The following LGSN variants were observed in gnomAD, a reference collection of about 807,000 sequenced individuals.
LGSN encodes the protein lengsin, lens protein with glutamine synthetase domain.
In LGSN, 21 loss-of-function variants were observed where a neutral mutation model predicts 19.5. The ratio of observed to expected loss-of-function variants is 1.07; its 90% CI spans 0.76 to 1.55. The LOEUF (loss-of-function observed/expected upper bound fraction) is 1.55. Ranked by LOEUF, LGSN falls within the 40% of genes most tolerant of loss-of-function variation. The pLI is 0.00. For synonymous variants in LGSN, 257 were observed against 215.6 expected (o/e 1.19, Z -1.68); for missense variants, 673 against 608.5 (o/e 1.11, Z -1.12).
the LGSN span, among the ~76,000 whole-genome samples, chr6:63,533,430 A>C: frequency 9.2e-5 from 14 of 152,162 alleles, no homozygotes; most frequent in African/African-American, 2.7e-4. Flanking sequence ...AAAATATCTT[A>C]ATTTTGTATT....
At chr6:63,473,995 C>T in the LGSN span, among the ~76,000 whole-genome samples, 1 of 150,980 alleles carries the variant, frequency 6.6e-6, no homozygotes. Flanking sequence ...GTTTAACTCA[C>T]TCATTCATTT....
At chr6:63,496,618 CTTTTT>C in the LGSN span, among the ~76,000 whole-genome samples, 1 of 139,208 alleles carries the variant, frequency 7.2e-6, no homozygotes, top group Non-Finnish European at 1.6e-5. Flanking sequence ...GTATTTGCTC[CTTTTT>C]TTTTTTTTTT....
chr6:63,549,292 A>T, the LGSN span: 1 of 754,176 alleles, frequency 1.3e-6, no homozygotes. Context: ...ACTTTCAGCC[A>T]CTTACAGAGG....
chr6:63,529,024 G>A, the LGSN span, among the ~76,000 whole-genome samples: 1 of 151,262 alleles, frequency 6.6e-6, no homozygotes, highest in African/African-American at 2.4e-5. Flanking sequence ...GGGAGGCAGA[G>A]GTTACAGTGA....
At chr6:63,294,212 G>A (rs1004316026) in intron 2 of LGSN, among the ~76,000 whole-genome samples, 3 of 152,072 alleles carry the variant, frequency 2.0e-5, no homozygotes, top group African/African-American at 7.2e-5. Context: ...GGCATGCCCT[G>A]TAAACCCAGC....
At chr6:63,285,451 G>A (rs1241233272) in intron 3 of LGSN, 136 bp downstream of exon 3, 1 of 715,578 alleles carries the variant, frequency 1.4e-6, no homozygotes, top group Non-Finnish European at 2.2e-6. Flanking sequence ...AGGAACAAGG[G>A]AAGAAACAAA....
chr6:63,312,059 A>G (rs1768650344), intron 1 of LGSN, among the ~76,000 whole-genome samples: 1 of 152,218 alleles, frequency 6.6e-6, no homozygotes, highest in African/African-American at 2.4e-5. Flanking sequence ...TTAACAAATG[A>G]CAGAAAATTT....
the LGSN span, among the ~76,000 whole-genome samples, chr6:63,496,863 G>A: frequency 2.0e-5 from 3 of 152,074 alleles, no homozygotes; most frequent in Admixed American, 6.5e-5. Context: ...AAGTGGTTGT[G>A]TCAAAAGCTC....
chr6:63,390,751 C>G, the LGSN span, among the ~76,000 whole-genome samples: 1 of 149,420 alleles, frequency 6.7e-6, no homozygotes, highest in African/African-American at 2.5e-5. Context: ...CCCAGCTACT[C>G]GGGAGGCTGA....
At chr6:63,352,736 G>C in the LGSN span, among the ~76,000 whole-genome samples, 4 of 151,954 alleles carry the variant, frequency 2.6e-5, no homozygotes, top group Non-Finnish European at 5.9e-5. Flanking sequence ...GGTTATGTTA[G>C]AGACTGTTCA....
At chr6:63,547,701 C>G in the LGSN span, among the ~76,000 whole-genome samples, 1 of 147,700 alleles carries the variant, frequency 6.8e-6, no homozygotes. Context: ...TCAGTAGAGA[C>G]GGGGTTTCAC....
chr6:63,392,871 T>A, the LGSN span, among the ~76,000 whole-genome samples: 33 of 145,808 alleles, frequency 2.3e-4, no homozygotes, highest in Non-Finnish European at 3.7e-4. Flanking sequence ...GGTGGCTCCA[T>A]CTTCTTCTTC....
At chr6:63,454,779 C>CT in the LGSN span, among the ~76,000 whole-genome samples, 17 of 113,418 alleles carry the variant, frequency 1.5e-4, no homozygotes, top group African/African-American at 4.8e-4. Context: ...CCTACGTTTT[C>CT]TTTTTTTCTT....
chr6:63,509,087 G>A, the LGSN span, among the ~76,000 whole-genome samples: 1 of 146,258 alleles, frequency 6.8e-6, no homozygotes, highest in Non-Finnish European at 1.5e-5. Flanking sequence ...TTTTTTTTGA[G>A]TCAGTCTCGC....
At chr6:63,341,122 C>T in the LGSN span, among the ~76,000 whole-genome samples, 1 of 152,166 alleles carries the variant, frequency 6.6e-6, no homozygotes, top group Non-Finnish European at 1.5e-5. Flanking sequence ...TAGTGAGGCT[C>T]TGCTGGAAAC....
the LGSN span, among the ~76,000 whole-genome samples, chr6:63,419,941 C>T: frequency 7.6e-6 from 1 of 131,188 alleles, no homozygotes; most frequent in African/African-American, 2.9e-5. Context: ...TATGGTGGCT[C>T]ACACCTGTAA....
the LGSN span, among the ~76,000 whole-genome samples, chr6:63,342,394 A>T: frequency 6.6e-6 from 1 of 152,246 alleles, no homozygotes; most frequent in Non-Finnish European, 1.5e-5. Context: ...ATTGGCATAT[A>T]ATAGATTATT....
the LGSN span, among the ~76,000 whole-genome samples, chr6:63,532,457 C>T: frequency 6.6e-6 from 1 of 152,084 alleles, no homozygotes; most frequent in Non-Finnish European, 1.5e-5. Flanking sequence ...ATGTATGGGT[C>T]AGCACAGCAC....
At chr6:63,464,919 G>A in the LGSN span, among the ~76,000 whole-genome samples, 6 of 150,390 alleles carry the variant, frequency 4.0e-5, no homozygotes, top group Non-Finnish European at 8.9e-5. Context: ...CCAGCTACTC[G>A]AGAAACTGAG....
Sources: allele counts gnomAD v4.1 joint callset (sites outside exome capture counted in the v4.1 genomes callset), GRCh38; gene constraint gnomAD v4.1.1; transcripts MANE v1.5; gene names NCBI Gene and HGNC (gene_info 2026-07-23, HGNC 2026-07-21).